RET: variants seen among roughly 807,000 people sequenced by gnomAD.
RET encodes the protein proto-oncogene tyrosine-protein kinase receptor Ret.
A neutral mutation model predicts 118.3 loss-of-function variants in RET; 19 were observed. The ratio of observed to expected loss-of-function variants is 0.16; its 90% confidence interval spans 0.11 to 0.24. The LOEUF (loss-of-function observed/expected upper bound fraction) is 0.24. Ranked by LOEUF, RET falls within the 10% of genes least tolerant of loss-of-function variation. RET has a pLI of 1.00. For synonymous variants in RET, 597 were observed against 644.1 expected (o/e 0.93, Z 1.11); for missense variants, 1,219 against 1,502.1 (o/e 0.81, Z 3.12).
At chr10:43,119,063 G>A (rs555057529) in intron 13 of RET, among the ~76,000 whole-genome samples, 18 of 152,322 alleles carry the variant, frequency 1.2e-4, no homozygotes, top group African/African-American at 3.4e-4. Context: ...CACTGTGGTC[G>A]GCACCAGTAG....
chr10:43,117,993 C>T (rs1248243862), intron 12 of RET, among the ~76,000 whole-genome samples: 1 of 152,138 alleles, frequency 6.6e-6, no homozygotes, highest in African/African-American at 2.4e-5. Context: ...TTCTCCAGGG[C>T]CTCTCCCGAC....
At chr10:43,094,906 G>T (rs1342540841) in intron 1 of RET, among the ~76,000 whole-genome samples, 2 of 152,216 alleles carry the variant, frequency 1.3e-5, no homozygotes, top group Non-Finnish European at 2.9e-5. Context: ...GTGTGTGTGA[G>T]AGAAGGAATG....
rs1838013360 is a variant in RET at position 43,114,372 on chromosome 10, G to A, written c.1880-108G>A. On this transcript the variant is annotated intron_variant, in intron 10 of 19. Transcript: ENST00000355710. The surrounding 1 kb of genome is among the most constrained non-coding windows in gnomAD (Gnocchi z 4.6). ...ACACCTCCATGGCCACTTCCCAGCT[G>A]GCGCGGACACGGCAGGCTGGAGAGC... 6.8e-7 allele frequency: 1 copy of A among 1,479,496 alleles called. No individual in the cohort carries two copies. The highest frequency in any genetic ancestry group is 9.2e-7 in the Non-Finnish European group (1 of 1,086,576). 91.6% of individuals were successfully genotyped at this position (1,479,496 alleles called of 1,614,324 possible).
Position 43,077,090 on chromosome 10 carries a change from C to T in RET, c.-169C>T. 1.0e-6 allele frequency: 1 copy of T among 995,400 alleles called. No individual in the cohort carries two copies. The highest frequency in any genetic ancestry group is 1.3e-6 in the Non-Finnish European group (1 of 768,778). The allele number at this position is 995,400 out of a possible 1,614,324, so 61.7% of individuals were successfully genotyped here. On this transcript the variant is annotated 5_prime_UTR_variant, in exon 1 of 20. Coordinates refer to ENST00000355710, the MANE Select transcript of RET (RefSeq NM_020975.6). ...CTTCAGTCCCGCGACCGAAGCAGGG[C>T]GCGCAGCAGCGCTGAGTGCCCCGGA...
rs137928436 is a variant in RET, at chr10:43,104,980, G to A, written c.654G>A (p.Pro218=). The change falls in exon 4 of 20, where the codon CCG becomes CCA. Residue 218 remains proline (P), a synonymous_variant. Transcript: ENST00000355710. Reference sequence around the variant, plus strand: ...AGGGTCTGCCCTTCCGCTGCGCCCCGGACAGCCTGGAGGTGAGCACGCGCT... The same window carrying A: ...AGGGTCTGCCCTTCCGCTGCGCCCCAGACAGCCTGGAGGTGAGCACGCGCT... ...EGEGLPFRCA[P]DSLEVSTRWA... The A allele has an allele frequency of 2.3e-4, 369 of 1,578,406 alleles. 2 individuals are homozygous for A. The African/African-American group carries it at 4.5e-3, about 19-fold the overall frequency.
chr10:43,113,745 T>C, intron 10 of RET, 70 bp downstream of exon 10: 1 of 1,594,202 alleles, frequency 6.3e-7, no homozygotes, highest in Non-Finnish European at 8.5e-7. Flanking sequence ...ACATCTGAGG[T>C]CCCAACAAGG....
intron 2 of RET, 116 bp from the exon 3 acceptor site, chr10:43,102,226 G>A (rs1837655185): frequency 1.5e-6 from 2 of 1,333,816 alleles, no homozygotes; most frequent in Non-Finnish European, 2.1e-6. Context: ...TCTGAGCCTT[G>A]TGGACCTTGG....
intron 1 of RET, among the ~76,000 whole-genome samples, chr10:43,080,601 G>C (rs1180018366): frequency 6.6e-6 from 1 of 152,220 alleles, no homozygotes; most frequent in Admixed American, 6.5e-5. Flanking sequence ...TTCCAGGGAG[G>C]TTGCCCTGAG....
intron 1 of RET, among the ~76,000 whole-genome samples, chr10:43,090,353 G>C (rs959481394): frequency 2.0e-5 from 3 of 152,226 alleles, no homozygotes; most frequent in African/African-American, 7.2e-5. Flanking sequence ...CTGCCCGGGA[G>C]CCTCTTGGGT....
chr10:43,086,064 G>A (rs564208372), intron 1 of RET, among the ~76,000 whole-genome samples: 16 of 152,328 alleles, frequency 1.1e-4, no homozygotes, highest in Middle Eastern at 3.4e-3. Flanking sequence ...TGCAGAAGGG[G>A]TGGTAGCTCA....
intron 19 of RET, chr10:43,127,135 G>A: frequency 8.9e-7 from 1 of 1,128,864 alleles, no homozygotes. Context: ...GCACCACTCA[G>A]CCTGCACTGG....
At chr10:43,077,813 C>G (rs562900942) in intron 1 of RET, among the ~76,000 whole-genome samples, 107 of 152,368 alleles carry the variant, frequency 7.0e-4, no homozygotes, top group Admixed American at 2.2e-3. Context: ...TCCCCCAGCT[C>G]TGCCGTCCTG....
intron 1 of RET, among the ~76,000 whole-genome samples, chr10:43,083,158 G>A (rs946008197): frequency 6.6e-5 from 10 of 152,324 alleles, no homozygotes; most frequent in African/African-American, 2.4e-4. Flanking sequence ...CTCTGCCATC[G>A]TAAGGGGCCA....
At position 43,106,041 on chromosome 10, in the gene RET, G is replaced by A. The variant is rs1837765487; in HGVS notation, c.868-335G>A. Among the ~76,000 whole-genome samples, 1 of 152,154 alleles carries A rather than the reference G, an allele frequency of 6.6e-6. No individual in the cohort carries two copies. Among genetic ancestry groups the A allele is most frequent in the Admixed American group, 6.5e-5 (1 of 15,282 alleles). On this transcript the variant is annotated intron_variant, in intron 4 of 19. Coordinates refer to ENST00000355710, the MANE Select transcript of RET (RefSeq NM_020975.6). The surrounding 1 kb of genome is among the most constrained non-coding windows in gnomAD (Gnocchi z 5.1). ...CCCTGTGGGGCCCAGCTTCCTCAGGGGAGAGTGGAGGTGCTCATCCTGCTC... is the reference window on the plus strand; with the variant it reads ...CCCTGTGGGGCCCAGCTTCCTCAGGAGAGAGTGGAGGTGCTCATCCTGCTC...
Position 43,104,983 on chromosome 10 carries a change from C to G in RET, c.657C>G (p.Asp219Glu), listed in dbSNP as rs1837729196. The change falls in exon 4 of 20, where the codon GAC becomes GAG. Residue 219 changes from aspartate (D) to glutamate (E), a missense_variant. Around this residue, in one of 5 missense-constraint regions of RET, gnomAD observed 850 missense variants for 969.6 expected, o/e 0.88. Coordinates refer to ENST00000355710, the MANE Select transcript of RET (RefSeq NM_020975.6). ...GEGLPFRCAP[D>E]SLEVSTRWAL... ...GTCTGCCCTTCCGCTGCGCCCCGGA[C>G]AGCCTGGAGGTGAGCACGCGCTGGG... 1 of 1,580,854 alleles carries G rather than the reference C, an allele frequency of 6.3e-7. No homozygotes were observed. The highest frequency in any genetic ancestry group is 1.3e-5 in the African/African-American group (1 of 74,726).
At chr10:43,120,882 C>T (rs986012572) in intron 15 of RET, among the ~76,000 whole-genome samples, 11 of 151,890 alleles carry the variant, frequency 7.2e-5, no homozygotes, top group Admixed American at 1.3e-4. Context: ...GTTCAAGGGG[C>T]TGCTCAAAGG....
rs2132965510 is a variant in RET, at chr10:43,120,222, G to A, written c.2730+19G>A. 1 of 1,611,760 alleles carries A rather than the reference G, an allele frequency of 6.2e-7. No individual in the cohort carries two copies. The highest frequency in any genetic ancestry group is 1.7e-5 in the Admixed American group (1 of 59,984). On this transcript the variant is annotated intron_variant, in intron 15 of 19. Coordinates refer to ENST00000355710, the MANE Select transcript of RET (RefSeq NM_020975.6). ...GAGCCAGGTGCCCAGTCCCGGGGAT[G>A]AGGCGGGGCTCCCAGGGATCCCAGG...
At chr10:43,126,844 CTTT>C (rs1193749939) in intron 19 of RET, 122 bp downstream of exon 19, 2 of 1,487,676 alleles carry the variant, frequency 1.3e-6, no homozygotes, top group Non-Finnish European at 1.8e-6. Context: ...TGCTCTGAAC[CTTT>C]TTATTTGTAA....
intron 4 of RET, among the ~76,000 whole-genome samples, chr10:43,105,613 G>A (rs1837753945): frequency 6.6e-6 from 1 of 152,170 alleles, no homozygotes; most frequent in Non-Finnish European, 1.5e-5. Context: ...GGCGCCGCCC[G>A]CCCCGCCCTT....
Sources: allele counts gnomAD v4.1 joint callset (sites outside exome capture counted in the v4.1 genomes callset), GRCh38; gene constraint gnomAD v4.1.1; regional missense constraint gnomAD v4.1.1; non-coding constraint Gnocchi (gnomAD v3.1); transcripts MANE v1.5; gene names NCBI Gene and HGNC (gene_info 2026-07-23, HGNC 2026-07-21).